Variants in GABRG3 observed in about 807,000 individuals in gnomAD.
GABRG3 encodes the protein gamma-aminobutyric acid receptor subunit gamma-3.
In GABRG3, 25 loss-of-function variants were observed where a neutral mutation model predicts 48.8. The ratio of observed to expected loss-of-function variants is 0.51; its 90% CI spans 0.37 to 0.72. GABRG3 has a LOEUF of 0.72. Among genes scored for constraint, GABRG3 ranks in the 30% least tolerant of loss-of-function variants. The pLI is 0.00. For synonymous variants in GABRG3, 227 were observed against 217.6 expected, an observed-to-expected ratio of 1.04 and a Z score of -0.38; for missense variants, 394 against 577.9, an observed-to-expected ratio of 0.68 and a Z score of 3.26.
intron 2 of GABRG3, among the ~76,000 whole-genome samples, chr15:27,003,865 A>C (rs1595466270): frequency 1.9e-5 from 2 of 102,932 alleles, no homozygotes; most frequent in South Asian, 3.2e-4. Context: ...TGACCCCCCC[A>C]CCTCCCTCCC....
At chr15:27,327,144 G>A (rs1007070330) in intron 4 of GABRG3, 115 bp downstream of exon 4, 2 of 902,738 alleles carry the variant, frequency 2.2e-6, no homozygotes, top group African/African-American at 3.3e-5. Context: ...TTTCACGTGA[G>A]ACATACTACA....
chr15:27,059,409 C>T (rs1006867197), intron 3 of GABRG3, among the ~76,000 whole-genome samples: 8 of 152,164 alleles, frequency 5.3e-5, no homozygotes, highest in African/African-American at 1.9e-4. Flanking sequence ...TCTCCATCAC[C>T]GTTCTGTTAT....
chr15:27,368,349 AG>A (rs1198033652), intron 5 of GABRG3, among the ~76,000 whole-genome samples: 1 of 152,196 alleles, frequency 6.6e-6, no homozygotes, highest in Non-Finnish European at 1.5e-5. Context: ...ACGGAGTGCT[AG>A]GGTGGTTGGT....
chr15:27,184,654 A>G (rs1888036118), intron 3 of GABRG3, among the ~76,000 whole-genome samples: 1 of 152,230 alleles, frequency 6.6e-6, no homozygotes, highest in Non-Finnish European at 1.5e-5. Context: ...TTCTCCAGTG[A>G]AACCATCTGA....
intron 5 of GABRG3, among the ~76,000 whole-genome samples, chr15:27,369,834 A>AT (rs1895346058): frequency 6.8e-6 from 1 of 147,246 alleles, no homozygotes; most frequent in Non-Finnish European, 1.5e-5. Flanking sequence ...AAAAAAAAAA[A>AT]TTATGGTATC....
At chr15:27,091,326 C>A (rs1897180996) in intron 3 of GABRG3, among the ~76,000 whole-genome samples, 1 of 152,106 alleles carries the variant, frequency 6.6e-6, no homozygotes, top group South Asian at 2.1e-4. Context: ...TGGGATAAAT[C>A]CCACTTGATC....
At chr15:27,471,858 G>A (rs750884687) in intron 5 of GABRG3, among the ~76,000 whole-genome samples, 93 of 152,278 alleles carry the variant, frequency 6.1e-4, no homozygotes, top group African/African-American at 1.9e-3. Context: ...AATAGGTTTA[G>A]TGTAGAGTTT....
chr15:27,444,377 A>G (rs1888880157), intron 5 of GABRG3, among the ~76,000 whole-genome samples: 1 of 152,204 alleles, frequency 6.6e-6, no homozygotes, highest in South Asian at 2.1e-4. Flanking sequence ...AAATTAAAAT[A>G]TTTAACCACT....
chr15:27,367,941 T>C (rs956258498), intron 5 of GABRG3, among the ~76,000 whole-genome samples: 4 of 152,098 alleles, frequency 2.6e-5, no homozygotes, highest in Non-Finnish European at 5.9e-5. Context: ...TAGGGTCTTC[T>C]TCTGAAATCT....
At chr15:27,403,875 G>A (rs1200972963) in intron 5 of GABRG3, among the ~76,000 whole-genome samples, 9 of 136,234 alleles carry the variant, frequency 6.6e-5, no homozygotes, top group South Asian at 2.3e-4. Flanking sequence ...TCGCACCGCT[G>A]CACTTAAGCC....
chr15:27,149,572 G>A (rs1432667401), intron 3 of GABRG3, among the ~76,000 whole-genome samples: 4 of 152,160 alleles, frequency 2.6e-5, no homozygotes, highest in Non-Finnish European at 5.9e-5. Context: ...TTGACAATTT[G>A]CATTTTCTGA....
chr15:27,264,517 C>T (rs1462974103), intron 3 of GABRG3, among the ~76,000 whole-genome samples: 1 of 151,856 alleles, frequency 6.6e-6, no homozygotes, highest in African/African-American at 2.4e-5. Flanking sequence ...AACAAAGTAT[C>T]CTAACACAAA....
At chr15:27,009,749 G>A (rs1895651101) in intron 2 of GABRG3, among the ~76,000 whole-genome samples, 2 of 152,128 alleles carry the variant, frequency 1.3e-5, no homozygotes, top group Admixed American at 1.3e-4. Flanking sequence ...CCATCCTATG[G>A]TGATCACACA....
chr15:27,306,490 AATAT>A (rs1174068450), intron 3 of GABRG3, among the ~76,000 whole-genome samples: 1 of 140,242 alleles, frequency 7.1e-6, no homozygotes, highest in South Asian at 2.2e-4. Context: ...ACATATATAT[AATAT>A]AAACATATGT....
intron 2 of GABRG3, among the ~76,000 whole-genome samples, chr15:27,024,960 G>A: frequency 6.7e-6 from 1 of 149,814 alleles, no homozygotes; most frequent in Non-Finnish European, 1.5e-5. Context: ...GGGAGGCAGA[G>A]GTTGCCGTGA....
chr15:27,192,245 G>GT (rs1425103626), intron 3 of GABRG3, among the ~76,000 whole-genome samples: 70 of 152,058 alleles, frequency 4.6e-4, no homozygotes, highest in African/African-American at 1.5e-3. Flanking sequence ...GGCGTTCTCT[G>GT]TATTTCCTGA....
intron 3 of GABRG3, among the ~76,000 whole-genome samples, chr15:27,110,395 T>C (rs774771986): frequency 2.6e-5 from 4 of 152,170 alleles, no homozygotes; most frequent in Non-Finnish European, 4.4e-5. Context: ...TTCAAAGTTA[T>C]ATTTTAGAGC....
intron 5 of GABRG3, among the ~76,000 whole-genome samples, chr15:27,479,876 G>A (rs1890054490): frequency 6.6e-6 from 1 of 152,204 alleles, no homozygotes; most frequent in Non-Finnish European, 1.5e-5. Context: ...AGCAGAGAGG[G>A]GATGGTGTTG....
At chr15:27,356,505 A>G (rs1193089662) in intron 5 of GABRG3, among the ~76,000 whole-genome samples, 1 of 152,148 alleles carries the variant, frequency 6.6e-6, no homozygotes. Context: ...CTTTTCCCCA[A>G]CATCTACATA....
Sources: gnomAD v4.1 joint callset for allele counts (sites outside exome capture counted in the v4.1 genomes callset) on GRCh38, gnomAD v4.1.1 for gene constraint, MANE v1.5 for transcripts, NCBI Gene and HGNC (gene_info 2026-07-23, HGNC 2026-07-21) for gene names.